The following ROCK1 variants were observed in gnomAD, a reference collection of about 807,000 sequenced individuals.
ROCK1 encodes the protein Rho associated coiled-coil containing protein kinase 1, also known as rho-associated protein kinase 1.
In ROCK1, 36 loss-of-function variants were observed where a neutral mutation model predicts 196.8. The ratio of observed to expected loss-of-function variants is 0.18; its 90% CI spans 0.14 to 0.24. The LOEUF is 0.24. Among genes scored for constraint, ROCK1 ranks in the 10% least tolerant of loss-of-function variants. The pLI is 1.00. For missense variants in ROCK1, 920 were observed against 1,562.0 expected (o/e 0.59, Z 6.93); for synonymous variants, 443 against 515.9 (o/e 0.86, Z 1.91).
intron 21 of ROCK1, among the ~76,000 whole-genome samples, chr18:20,981,596 C>A (rs2035534028): frequency 6.6e-6 from 1 of 152,098 alleles, no homozygotes; most frequent in Non-Finnish European, 1.5e-5. Context: ...ATGTCTATTT[C>A]TTTTTAACTA....
intron 13 of ROCK1, among the ~76,000 whole-genome samples, chr18:21,013,866 C>T (rs2035839684): frequency 6.6e-6 from 1 of 151,920 alleles, no homozygotes; most frequent in African/African-American, 2.4e-5. Flanking sequence ...TTGAGACAAT[C>T]CTGGCTAATA....
At chr18:21,034,732 G>C (rs2036042038) in intron 9 of ROCK1, among the ~76,000 whole-genome samples, 1 of 152,072 alleles carries the variant, frequency 6.6e-6, no homozygotes, top group South Asian at 2.1e-4. Context: ...CATTGGATTT[G>C]GCAATGATTT....
intron 16 of ROCK1, among the ~76,000 whole-genome samples, chr18:21,000,547 G>A (rs1271583691): frequency 6.6e-6 from 1 of 152,174 alleles, no homozygotes; most frequent in African/African-American, 2.4e-5. Context: ...ACAGGTGTGA[G>A]CTACTGCACC....
chr18:20,951,269 C>G lies in ROCK1; in HGVS notation c.*115G>C, dbSNP rs1475263535. 32 of 947,582 alleles carry G rather than the reference C, an allele frequency of 3.4e-5. No homozygotes were observed. The highest frequency in any genetic ancestry group is 4.7e-5 in the Non-Finnish European group (30 of 631,604). The allele number at this position is 947,582 out of a possible 1,614,324, so 58.7% of individuals were successfully genotyped here. The stretch of plus-strand genomic sequence containing the variant: ...AGGACAGAAAAACAGCAATCTTAAC[C>G]CTGAAGCCTGTGATATTTGTGTCAA... On this transcript the variant is annotated 3_prime_UTR_variant, in exon 33 of 33. Transcript: ENST00000399799.
intron 16 of ROCK1, among the ~76,000 whole-genome samples, chr18:20,994,000 T>C (rs1342577319): frequency 2.0e-5 from 3 of 152,214 alleles, no homozygotes; most frequent in South Asian, 2.1e-4. Context: ...CACTCTCAAA[T>C]GTACTCTAGT....
chr18:21,070,992 T>G (rs1378216886), intron 1 of ROCK1, among the ~76,000 whole-genome samples: 1 of 152,170 alleles, frequency 6.6e-6, no homozygotes, highest in Non-Finnish European at 1.5e-5. Context: ...TTTTATAAGG[T>G]AACAGCTAAA....
intron 12 of ROCK1, 62 bp from the exon 13 acceptor site, chr18:21,015,541 C>T: frequency 6.9e-6 from 7 of 1,012,740 alleles, no homozygotes; most frequent in Non-Finnish European, 9.1e-6. Flanking sequence ...CAGTGTTAAA[C>T]ACTAACATTC....
chr18:21,082,494 G>A (rs533326385), intron 1 of ROCK1, among the ~76,000 whole-genome samples: 1 of 152,070 alleles, frequency 6.6e-6, no homozygotes, highest in South Asian at 2.1e-4. Flanking sequence ...GGATCAAGTG[G>A]GATTTATGCC....
intron 28 of ROCK1, 74 bp downstream of exon 28, chr18:20,960,062 C>T (rs1265669441): frequency 1.8e-6 from 2 of 1,134,782 alleles, no homozygotes; most frequent in South Asian, 1.3e-5. Context: ...AAAAAAGTAG[C>T]TAATATAAGT....
intron 1 of ROCK1, among the ~76,000 whole-genome samples, chr18:21,078,373 C>CACACACACACACACACACAGAG (rs1491188980): frequency 6.0e-5 from 4 of 66,116 alleles, no homozygotes; most frequent in African/African-American, 1.4e-4. Context: ...CACACACACA[C>CACACACACACACACACACAGAG]AGAGAGAGAG....
intron 13 of ROCK1, among the ~76,000 whole-genome samples, chr18:21,011,500 G>C (rs1402834103): frequency 6.6e-6 from 1 of 152,084 alleles, no homozygotes; most frequent in African/African-American, 2.4e-5. Context: ...CTGTCACCCA[G>C]GCTGGAGTAC....
chr18:20,957,647 A>T (rs1386286773), intron 29 of ROCK1, among the ~76,000 whole-genome samples: 2 of 151,728 alleles, frequency 1.3e-5, no homozygotes, highest in East Asian at 1.9e-4. Flanking sequence ...CGCCCAGCTA[A>T]TTTTTTGTAT....
intron 2 of ROCK1, among the ~76,000 whole-genome samples, chr18:21,054,483 C>A (rs185122915): frequency 6.6e-6 from 1 of 152,134 alleles, no homozygotes; most frequent in Non-Finnish European, 1.5e-5. Flanking sequence ...AAGTGGGGAC[C>A]TTTACTTTTC....
At chr18:21,045,109 C>A (rs775601369) in intron 5 of ROCK1, 183 bp downstream of exon 5, 6 of 426,986 alleles carry the variant, frequency 1.4e-5, no homozygotes, top group Non-Finnish European at 2.4e-5. Context: ...GATCTGCCTG[C>A]CTCGGCCTCC....
chr18:20,967,196 T>C (rs2035382276), intron 26 of ROCK1, 120 bp from the exon 27 acceptor site: 2 of 663,064 alleles, frequency 3.0e-6, no homozygotes, highest in Admixed American at 3.0e-5. Flanking sequence ...TCATGAATGT[T>C]TGCTACCACA....
intron 13 of ROCK1, among the ~76,000 whole-genome samples, chr18:21,011,726 G>A (rs1016702361): frequency 6.6e-6 from 1 of 152,166 alleles, no homozygotes; most frequent in Non-Finnish European, 1.5e-5. Context: ...AAAGTGCTGG[G>A]ATTACAGACA....
chr18:21,075,794 A>C (rs536472894), intron 1 of ROCK1, among the ~76,000 whole-genome samples: 50 of 151,932 alleles, frequency 3.3e-4, no homozygotes, highest in Non-Finnish European at 5.7e-4. Context: ...CTTTACTAAA[A>C]TACAAAAAAT....
At chr18:21,107,724 A>G (rs2036714787) in intron 1 of ROCK1, among the ~76,000 whole-genome samples, 1 of 152,178 alleles carries the variant, frequency 6.6e-6, no homozygotes. Flanking sequence ...GCTAGATACT[A>G]CAAACCCAGA....
intron 9 of ROCK1, among the ~76,000 whole-genome samples, chr18:21,033,233 C>G (rs2036025612): frequency 2.6e-5 from 4 of 151,972 alleles, no homozygotes; most frequent in Admixed American, 6.6e-5. Context: ...AAAAAAAACC[C>G]ATATGATCAT....
Sources: allele counts gnomAD v4.1 joint callset (sites outside exome capture counted in the v4.1 genomes callset), GRCh38; gene constraint gnomAD v4.1.1; transcripts MANE v1.5; gene names NCBI Gene and HGNC (gene_info 2026-07-23, HGNC 2026-07-21).